The following DOCK8 variants were observed in gnomAD, a reference collection of about 807,000 sequenced individuals.
DOCK8 encodes the protein dedicator of cytokinesis protein 8.
A neutral mutation model predicts 245.6 loss-of-function variants in DOCK8; 141 were observed. That is an observed-to-expected ratio of 0.57 (90% CI 0.50 to 0.66). The LOEUF (loss-of-function observed/expected upper bound fraction) is 0.66, where lower values mean the gene tolerates loss of function less well. DOCK8 is among the 30% of genes least tolerant of loss of function. The pLI is 0.00. For missense variants in DOCK8, 2,965 were observed against 2,603.4 expected (o/e 1.14, Z -3.02); for synonymous variants, 1,168 against 970.2 (o/e 1.20, Z -3.79).
At chr9:234,184 G>T (rs1229129875) in intron 1 of DOCK8, among the ~76,000 whole-genome samples, 1 of 152,126 alleles carries the variant, frequency 6.6e-6, no homozygotes, top group South Asian at 2.1e-4. Flanking sequence ...ATGAAATTCT[G>T]CATTGAAAAT....
At chr9:216,345 A>G (rs1462815532) in intron 1 of DOCK8, among the ~76,000 whole-genome samples, 1 of 151,984 alleles carries the variant, frequency 6.6e-6, no homozygotes, top group African/African-American at 2.4e-5. Flanking sequence ...CCTGGGCAAC[A>G]TAGTGGGACC....
chr9:382,939 G>C (rs997583020), intron 22 of DOCK8, among the ~76,000 whole-genome samples: 5 of 151,936 alleles, frequency 3.3e-5, no homozygotes, highest in African/African-American at 1.2e-4. Context: ...AGCATCAGGG[G>C]TTTAGCCACA....
chr9:272,876 TGA>T (rs1313795214), intron 2 of DOCK8: 1 of 185,080 alleles, frequency 5.4e-6, no homozygotes, highest in Admixed American at 6.5e-5. Context: ...ACTTCCTCTG[TGA>T]GAGAGCTCCA....
chr9:277,023 G>A, intron 2 of DOCK8: 1 of 306,104 alleles, frequency 3.3e-6, no homozygotes, highest in Non-Finnish European at 7.0e-6. Context: ...TGTCCAGGCT[G>A]GTCTTGAACT....
rs188967919 is a variant in DOCK8 at position 233,425 on chromosome 9, G to A, written c.53+18396G>A. ...ATGTCTGTTAGGTCTGCTTGGTGCA[G>A]AGCTGAGGTCAATTCCTCGGTATCC... On this transcript the variant is annotated intron_variant, in intron 1 of 47. Coordinates refer to ENST00000432829, the MANE Select transcript of DOCK8 (RefSeq NM_203447.4). Among the ~76,000 whole-genome samples the A allele has an allele frequency of 8.8e-4, 134 of 152,296 alleles. 2 individuals carry two copies. The highest frequency in any genetic ancestry group is 3.0e-3 in the African/African-American group (123 of 41,566).
At chr9:348,134 T>C (rs564939463) in intron 14 of DOCK8, among the ~76,000 whole-genome samples, 4 of 152,246 alleles carry the variant, frequency 2.6e-5, no homozygotes, top group African/African-American at 9.6e-5. Flanking sequence ...ACCTTAGACA[T>C]CTGGCATTTT....
intron 1 of DOCK8, among the ~76,000 whole-genome samples, chr9:236,701 C>A (rs567753408): frequency 6.6e-6 from 1 of 152,146 alleles, no homozygotes; most frequent in African/African-American, 2.4e-5. Context: ...TCTCAGTGAA[C>A]GAAACCAACA....
Position 415,103 on chromosome 9 carries a change from C to A in DOCK8, c.3700+152C>A, listed in dbSNP as rs566907075. 2.4e-4 allele frequency: 268 copies of A among 1,095,332 alleles called. No individual in the cohort carries two copies. The African/African-American group carries it at 3.9e-3, about 16-fold the overall frequency. 67.9% of individuals were successfully genotyped at this position (1,095,332 alleles called of 1,614,324 possible). On this transcript the variant is annotated intron_variant, in intron 29 of 47. Transcript: ENST00000432829. ...TCTCCAAACCTCTTTAACACTGGCC[C>A]CAATCAGTTAAAAAAACAAAAAAAG... is the stretch of plus-strand genomic sequence containing the variant.
chr9:435,687 C>A (rs1447094244), intron 39 of DOCK8, among the ~76,000 whole-genome samples: 1 of 152,204 alleles, frequency 6.6e-6, no homozygotes, highest in East Asian at 1.9e-4. Context: ...TTAGGATAAG[C>A]TGAAAATTAC....
At chr9:400,959 C>CCCT (rs1195466635) in intron 26 of DOCK8, among the ~76,000 whole-genome samples, 1 of 47,912 alleles carries the variant, frequency 2.1e-5, no homozygotes, top group Non-Finnish European at 3.3e-5. Flanking sequence ...ACCACCACCA[C>CCCT]CACCACCTCC....
At chr9:328,252 A>G (rs966000313) in intron 9 of DOCK8, 81 bp downstream of exon 9, 22 of 1,497,622 alleles carry the variant, frequency 1.5e-5, no homozygotes, top group Admixed American at 5.8e-5. Context: ...GGTGCACGCA[A>G]TCTCAGAATG....
At chr9:230,744 G>C (rs2047095992) in intron 1 of DOCK8, among the ~76,000 whole-genome samples, 1 of 151,760 alleles carries the variant, frequency 6.6e-6, no homozygotes, top group Non-Finnish European at 1.5e-5. Flanking sequence ...TTTTTGATGG[G>C]GTTGTTTGTT....
chr9:308,868 A>G (rs2049968707), intron 5 of DOCK8, among the ~76,000 whole-genome samples: 1 of 152,190 alleles, frequency 6.6e-6, no homozygotes, highest in Non-Finnish European at 1.5e-5. Context: ...CATGTTAGCC[A>G]GGATGGTCTT....
At chr9:333,406 C>G (rs767420218) in intron 10 of DOCK8, among the ~76,000 whole-genome samples, 1 of 152,132 alleles carries the variant, frequency 6.6e-6, no homozygotes, top group African/African-American at 2.4e-5. Context: ...TTGAGACCAT[C>G]CTGGCCAACA....
At chr9:346,732 A>G (rs534716592) in intron 14 of DOCK8, among the ~76,000 whole-genome samples, 2 of 152,234 alleles carry the variant, frequency 1.3e-5, no homozygotes, top group South Asian at 4.1e-4. Context: ...GTGCTCCCAT[A>G]TCGCAGTGGA....
intron 20 of DOCK8, among the ~76,000 whole-genome samples, chr9:378,001 C>G (rs185549434): frequency 6.6e-6 from 1 of 152,208 alleles, no homozygotes; most frequent in Admixed American, 6.5e-5. Context: ...TCTTTGCTTT[C>G]CAGTCCAGCA....
chr9:270,543 C>T (rs1241337992), intron 1 of DOCK8, among the ~76,000 whole-genome samples: 2 of 152,088 alleles, frequency 1.3e-5, no homozygotes, highest in Admixed American at 6.5e-5. Context: ...TTGCCAAGGT[C>T]GGGAGCAAAG....
Position 464,446 on chromosome 9 carries a change from G to C in DOCK8, c.*227G>C. 1.6e-6 allele frequency: 1 copy of C among 608,226 alleles called. No homozygotes were observed. Among genetic ancestry groups the C allele is most frequent in the South Asian group, 1.9e-5 (1 of 52,042 alleles). 37.7% of individuals were successfully genotyped at this position (608,226 alleles called of 1,614,324 possible). ...GGCGGGATGGAGGATGGGTACTCAG[G>C]CATGACTGCGTATTTATTAAAGTGT... On this transcript the variant is annotated 3_prime_UTR_variant, in exon 48 of 48. Transcript: ENST00000432829.
At chr9:240,664 G>C (rs1707619734) in intron 1 of DOCK8, among the ~76,000 whole-genome samples, 1 of 151,722 alleles carries the variant, frequency 6.6e-6, no homozygotes, top group Admixed American at 6.6e-5. Flanking sequence ...CCTTATTATT[G>C]AATTAATTAA....
Sources: allele counts gnomAD v4.1 joint callset (sites outside exome capture counted in the v4.1 genomes callset), GRCh38; gene constraint gnomAD v4.1.1; transcripts MANE v1.5; gene names NCBI Gene and HGNC (gene_info 2026-07-23, HGNC 2026-07-21).